The following ABTB2 variants were observed in gnomAD, a reference collection of about 807,000 sequenced individuals.
ABTB2 encodes the protein ankyrin repeat and BTB domain containing 2, also known as ankyrin repeat and BTB/POZ domain-containing protein 2.
Under a neutral mutation model 104.1 loss-of-function variants are expected in ABTB2, and 56 were observed. The ratio of observed to expected loss-of-function variants is 0.54; its 90% CI spans 0.43 to 0.67. ABTB2 has a LOEUF of 0.67. Among genes scored for constraint, ABTB2 ranks in the 30% least tolerant of loss-of-function variants. The pLI is 0.00. For missense variants in ABTB2, 1,279 were observed against 1,407.7 expected, an observed-to-expected ratio of 0.91 and a Z score of 1.46; for synonymous variants, 606 against 608.2, an observed-to-expected ratio of 1.00 and a Z score of 0.05.
chr11:34,337,480 T>C lies in ABTB2; in HGVS notation c.883+19221A>G, dbSNP rs543130823. 8.5e-5 allele frequency among the ~76,000 whole-genome samples: 13 copies of C among 152,390 alleles called. No individual in the cohort carries two copies. In the East Asian group the frequency reaches 2.5e-3, roughly 29 times the overall value. The stretch of plus-strand genomic sequence containing the variant: ...CTGACACTGTACTTATAATGCAGGA[T>C]TCTTATTTGACCCAATAGCCTAATG... On this transcript the variant is annotated intron_variant, in intron 1 of 16. Coordinates refer to ENST00000435224, the MANE Select transcript of ABTB2 (RefSeq NM_145804.3).
At chr11:34,335,692 T>G in intron 1 of ABTB2, 1 of 1,396,652 alleles carries the variant, frequency 7.2e-7, no homozygotes. Flanking sequence ...TGATAAAGTT[T>G]CTGCTAGAAC....
rs147993026 is a variant in ABTB2 at position 34,204,653 on chromosome 11, G to A, written c.921C>T (p.Asn307=). The change falls in exon 2 of 17, where the codon AAC becomes AAT. Residue 307 remains asparagine, a synonymous_variant. Coordinates refer to ENST00000435224, the MANE Select transcript of ABTB2 (RefSeq NM_145804.3). Reference sequence around the variant, plus strand: ...GCTCGTCATGGCCCAGGGACCCGCCGTTGTAGGGGCTGAAGTATGCGGGGA... The same window carrying A: ...GCTCGTCATGGCCCAGGGACCCGCCATTGTAGGGGCTGAAGTATGCGGGGA... ...LSLPAYFSPY[N]GGSLGHDERA... 8.1e-6 allele frequency: 13 copies of A among 1,613,994 alleles called. No individual in the cohort carries two copies. In the African/African-American group the frequency reaches 9.3e-5, roughly 12 times the overall value.
chr11:34,326,553 C>G (rs11032615), intron 1 of ABTB2, among the ~76,000 whole-genome samples: 2 of 150,732 alleles, frequency 1.3e-5, no homozygotes. Flanking sequence ...TCACTTGAAT[C>G]TGGGAGGCAG....
chr11:34,271,413 G>A (rs1854312631), intron 1 of ABTB2, among the ~76,000 whole-genome samples: 1 of 152,216 alleles, frequency 6.6e-6, no homozygotes, highest in Non-Finnish European at 1.5e-5. Context: ...CTCTGAGGTA[G>A]GAGGGTACTT....
intron 1 of ABTB2, among the ~76,000 whole-genome samples, chr11:34,290,671 C>T (rs185474540): frequency 4.0e-5 from 6 of 151,796 alleles, no homozygotes; most frequent in Admixed American, 6.6e-5. Context: ...GCAAGATCCT[C>T]GTCTCTATAA....
intron 1 of ABTB2, among the ~76,000 whole-genome samples, chr11:34,292,221 G>C (rs1002013062): frequency 6.6e-6 from 1 of 152,108 alleles, no homozygotes; most frequent in Admixed American, 6.5e-5. Flanking sequence ...CAGTAATGAG[G>C]GAAGGAAAAG....
intron 1 of ABTB2, among the ~76,000 whole-genome samples, chr11:34,241,644 C>T (rs570629977): frequency 1.1e-4 from 16 of 152,304 alleles, no homozygotes; most frequent in African/African-American, 3.1e-4. Context: ...GTAATCACAG[C>T]GCTTTGGGAA....
chr11:34,208,899 T>G (rs922403028), intron 1 of ABTB2, among the ~76,000 whole-genome samples: 2 of 152,060 alleles, frequency 1.3e-5, no homozygotes, highest in Non-Finnish European at 2.9e-5. Flanking sequence ...CCCCTGGACC[T>G]GCAGCAGCCT....
At chr11:34,283,921 G>A (rs930522840) in intron 1 of ABTB2, among the ~76,000 whole-genome samples, 7 of 152,206 alleles carry the variant, frequency 4.6e-5, no homozygotes, top group African/African-American at 1.7e-4. Flanking sequence ...CCAGTTTTAT[G>A]GAAGTAAGTT....
chr11:34,357,364 C>T lies in ABTB2; in HGVS notation c.220G>A (p.Val74Met). 1 of 1,539,388 alleles carries T rather than the reference C, an allele frequency of 6.5e-7. No homozygotes were observed. The highest frequency in any genetic ancestry group is 8.8e-7 in the Non-Finnish European group (1 of 1,139,150). The change falls in exon 1 of 17, where the codon GTG becomes ATG. Residue 74 changes from valine (V) to methionine (M), a missense_variant. Coordinates refer to ENST00000435224, the MANE Select transcript of ABTB2 (RefSeq NM_145804.3). ...GCCACTTCGGGGTCCTCGGGCAGCA[C>T]CGTGTTCACCGTGTCCCAGCTGTTG... is the stretch of plus-strand genomic sequence containing the variant. ...RHNSWDTVNT[V>M]LPEDPEVADL...
At chr11:34,223,078 T>C (rs1023235632) in intron 1 of ABTB2, among the ~76,000 whole-genome samples, 16 of 152,048 alleles carry the variant, frequency 1.1e-4, no homozygotes, top group African/African-American at 3.9e-4. Context: ...CTACTTACAG[T>C]CTCAAATTAG....
chr11:34,272,234 C>G (rs1234394064), intron 1 of ABTB2, among the ~76,000 whole-genome samples: 1 of 145,416 alleles, frequency 6.9e-6, no homozygotes, highest in Non-Finnish European at 1.5e-5. Context: ...ATTCAATACA[C>G]TGTTGATTGT....
At chr11:34,299,693 G>A (rs1243821264) in intron 1 of ABTB2, among the ~76,000 whole-genome samples, 1 of 152,192 alleles carries the variant, frequency 6.6e-6, no homozygotes, top group Non-Finnish European at 1.5e-5. Flanking sequence ...TCAACTGACA[G>A]CAACTACTCT....
chr11:34,265,642 G>C (rs967583979), intron 1 of ABTB2, among the ~76,000 whole-genome samples: 9 of 106,480 alleles, frequency 8.5e-5, no homozygotes, highest in African/African-American at 3.3e-4. Flanking sequence ...TGGGCAACAA[G>C]AGCAAAACTC....
At chr11:34,277,887 C>T (rs1182235745) in intron 1 of ABTB2, among the ~76,000 whole-genome samples, 2 of 149,172 alleles carry the variant, frequency 1.3e-5, no homozygotes, top group Admixed American at 6.7e-5. Context: ...TCACTGCAAC[C>T]TCCACTTCCC....
At chr11:34,291,568 T>A (rs942275706) in intron 1 of ABTB2, among the ~76,000 whole-genome samples, 1 of 152,222 alleles carries the variant, frequency 6.6e-6, no homozygotes, top group South Asian at 2.1e-4. Flanking sequence ...CAGTCTTGGC[T>A]CACTGCAACT....
At chr11:34,199,066 T>C (rs1853303493) in intron 2 of ABTB2, among the ~76,000 whole-genome samples, 1 of 152,252 alleles carries the variant, frequency 6.6e-6, no homozygotes, top group Non-Finnish European at 1.5e-5. Context: ...CCCAGAGCCC[T>C]GCACAGGGTC....
chr11:34,212,109 T>G (rs1355717748), intron 1 of ABTB2, among the ~76,000 whole-genome samples: 1 of 151,620 alleles, frequency 6.6e-6, no homozygotes, highest in African/African-American at 2.4e-5. Flanking sequence ...CAGGCTGGAG[T>G]GCAGTGGCGC....
intron 1 of ABTB2, among the ~76,000 whole-genome samples, chr11:34,259,088 T>C (rs1179660919): frequency 6.6e-6 from 1 of 152,236 alleles, no homozygotes; most frequent in Non-Finnish European, 1.5e-5. Context: ...GCTGCTATTG[T>C]TAATTCTTGC....
Sources: allele counts gnomAD v4.1 joint callset (sites outside exome capture counted in the v4.1 genomes callset), GRCh38; gene constraint gnomAD v4.1.1; transcripts MANE v1.5; gene names NCBI Gene and HGNC (gene_info 2026-07-23, HGNC 2026-07-21).